Variants in TAF1 observed in about 807,000 individuals in gnomAD.
The protein encoded by TAF1 is transcription initiation factor TFIID subunit 1.
TAF1 carries 2 observed loss-of-function variants against 138.5 expected under a neutral mutation model. The ratio of observed to expected loss-of-function variants is 0.01; its 90% CI spans 0.01 to 0.05. The LOEUF (loss-of-function observed/expected upper bound fraction) is 0.05. Ranked by LOEUF, TAF1 falls within the 10% of genes least tolerant of loss-of-function variation. The pLI, the probability that TAF1 is intolerant of heterozygous loss-of-function variation, is 1.00. For synonymous variants in TAF1, 437 were observed against 503.2 expected, an observed-to-expected ratio of 0.87 and a Z score of 1.76; for missense variants, 709 against 1,478.0, an observed-to-expected ratio of 0.48 and a Z score of 8.53.
Position 71,497,029 on chromosome X carries a change from T to C in TAF1, c.1367-31513T>C, listed in dbSNP as rs781542304. Among the ~76,000 whole-genome samples the C allele has an allele frequency of 2.6e-4, 29 of 112,385 alleles. No homozygotes were observed. In the South Asian group the frequency reaches 0.01, roughly 40 times the overall value. ...GCTATCTGTATACACATTTATTCTT[T>C]TTCCCTTTCCCAGTTCTAAGGCTCG... On this transcript the variant is annotated intron_variant and NMD_transcript_variant, in intron 13 of 14. Coordinates refer to the TAF1 transcript ENST00000373775.
chrX:71,485,286 A>C (rs907010948), intron 13 of TAF1, among the ~76,000 whole-genome samples: 1 of 112,431 alleles, frequency 8.9e-6, no homozygotes, highest in Admixed American at 9.5e-5. Flanking sequence ...AAATGGTAAC[A>C]TCTTGCATAG....
Position 71,423,292 on chromosome X carries a change from A to G in TAF1, c.4575+53A>G, listed in dbSNP as rs375086926. The G allele has an allele frequency of 1.6e-4, 193 of 1,204,166 alleles. No individual in the cohort carries two copies. The African/African-American group carries it at 2.9e-3, about 18-fold the overall frequency. ...GAGGATCGTGCAGGGGAAAGGAAAA[A>G]TGTTTAGGGTGTACACGTGTGTGTA... is the stretch of plus-strand genomic sequence containing the variant. On this transcript the variant is annotated intron_variant, in intron 30 of 37. Transcript: ENST00000423759.
At chrX:71,381,514 C>T (rs1019169861) in intron 8 of TAF1, among the ~76,000 whole-genome samples, 1 of 111,932 alleles carries the variant, frequency 8.9e-6, no homozygotes, top group African/African-American at 3.2e-5. Context: ...ATCCACCTGC[C>T]TCGGCCTCCC....
intron 32 of TAF1, chrX:71,441,716 G>A (rs2037436313): frequency 3.6e-6 from 1 of 275,597 alleles, no homozygotes; most frequent in Non-Finnish European, 6.7e-6. Context: ...TGTGCACAAC[G>A]TGCAGGTTTG....
chrX:71,370,022 C>T (rs1054253080), intron 3 of TAF1, among the ~76,000 whole-genome samples: 6 of 109,526 alleles, frequency 5.5e-5, no homozygotes, highest in South Asian at 3.9e-4. Context: ...GCCAGGAGTT[C>T]GAGACCAGCC....
chrX:71,394,491 C>CT (rs2034739912), intron 22 of TAF1, among the ~76,000 whole-genome samples: 1 of 112,863 alleles, frequency 8.9e-6, no homozygotes, highest in South Asian at 3.6e-4. Context: ...CAAGCCTGGG[C>CT]TATTAGTGCT....
chrX:71,424,892 T>C (rs984415821), intron 32 of TAF1, among the ~76,000 whole-genome samples: 5 of 112,439 alleles, frequency 4.4e-5, no homozygotes, highest in African/African-American at 1.6e-4. Flanking sequence ...CCCAAAGTGC[T>C]GGGATTACAG....
intron 13 of TAF1, among the ~76,000 whole-genome samples, chrX:71,483,626 G>GAGC (rs1237789713): frequency 9.3e-6 from 1 of 107,227 alleles, no homozygotes; most frequent in African/African-American, 3.4e-5. Context: ...CATAAATAAA[G>GAGC]AGCTGTGTGG....
chrX:71,381,662 CTT>C, intron 8 of TAF1, 79 bp from the exon 9 acceptor site: 22 of 1,086,128 alleles, frequency 2.0e-5, no homozygotes, highest in Non-Finnish European at 2.6e-5. Context: ...ATGAGTAACT[CTT>C]TTTATCTTTG....
At chrX:71,382,042 G>A in intron 9 of TAF1, 123 bp downstream of exon 9, 2 of 811,249 alleles carry the variant, frequency 2.5e-6, no homozygotes, top group Non-Finnish European at 3.3e-6. Context: ...GTAGCGGCTT[G>A]AGAGAGCGAA....
intron 13 of TAF1, among the ~76,000 whole-genome samples, chrX:71,471,377 A>G (rs934908904): frequency 1.9e-5 from 2 of 106,740 alleles, no homozygotes; most frequent in Non-Finnish European, 3.9e-5. Flanking sequence ...ACACACATGA[A>G]TGGAACCCAG....
chrX:71,405,547 C>T (rs1440223292), intron 25 of TAF1, among the ~76,000 whole-genome samples: 1 of 111,859 alleles, frequency 8.9e-6, no homozygotes, highest in African/African-American at 3.3e-5. Context: ...GATGGGGTTT[C>T]ACCATGTTGG....
intron 32 of TAF1, 70 bp from the exon 33 acceptor site, chrX:71,454,100 G>A: frequency 5.1e-6 from 5 of 973,663 alleles, no homozygotes; most frequent in Non-Finnish European, 7.3e-6. Context: ...GGGACACACT[G>A]CTGATGACAG....
intron 32 of TAF1, among the ~76,000 whole-genome samples, chrX:71,431,491 G>A (rs1417653406): frequency 2.7e-5 from 3 of 111,291 alleles, no homozygotes; most frequent in Non-Finnish European, 5.7e-5. Flanking sequence ...TGTAAAATAT[G>A]ATTGTATATT....
At chrX:71,511,766 G>A (rs2039735277) in intron 13 of TAF1, among the ~76,000 whole-genome samples, 2 of 111,346 alleles carry the variant, frequency 1.8e-5, no homozygotes, top group Non-Finnish European at 3.8e-5. Flanking sequence ...CTGTGATCCC[G>A]GCACTTTGGG....
Position 71,407,669 on chromosome X carries a change from A to G in TAF1, c.4203A>G (p.Pro1401=). 8.3e-7 allele frequency: 1 copy of G among 1,206,199 alleles called. No homozygotes were observed. The stretch of plus-strand genomic sequence containing the variant: ...TCATCAATGACATGAGAGATCTTCC[A>G]AATGTGAGTTCATTGCATTGGATAT... The part of the protein sequence containing the change: ...ESIINDMRDL[P]NTYPFHTPVN... Residue 1401 remains proline, a synonymous_variant, in exon 27 of 38, where the codon CCA becomes CCG. Coordinates refer to ENST00000423759, the MANE Select transcript of TAF1 (RefSeq NM_004606.5).
intron 32 of TAF1, among the ~76,000 whole-genome samples, chrX:71,429,575 A>G (rs2036776041): frequency 9.0e-6 from 1 of 110,892 alleles, no homozygotes; most frequent in Admixed American, 9.7e-5. Context: ...TGAAACGCCT[A>G]GTATGTTAAC....
chrX:71,441,366 AT>A (rs1384357851), intron 32 of TAF1, among the ~76,000 whole-genome samples: 1 of 111,307 alleles, frequency 9.0e-6, no homozygotes, highest in Non-Finnish European at 1.9e-5. Flanking sequence ...AGCATAAGAA[AT>A]TTTTTTAATT....
rs186430486 is a variant in TAF1 at position 71,403,376 on chromosome X, A to G, written c.3998+1637A>G. On this transcript the variant is annotated intron_variant, in intron 25 of 37. Coordinates refer to ENST00000423759, the MANE Select transcript of TAF1 (RefSeq NM_004606.5). ...TGAATTTTTTGAAGATTCCAGGCCA[A>G]TTGCCTCAAAATATTCCATATTCTG... Among the ~76,000 whole-genome samples, 179 of 111,756 alleles carry G rather than the reference A, an allele frequency of 1.6e-3. 1 individual carries two copies. Among genetic ancestry groups the G allele is most frequent in the South Asian group, 1.1e-3 (3 of 2,699 alleles).
Sources: allele counts gnomAD v4.1 joint callset (sites outside exome capture counted in the v4.1 genomes callset), GRCh38; gene constraint gnomAD v4.1.1; transcripts MANE v1.5; gene names NCBI Gene and HGNC (gene_info 2026-07-23, HGNC 2026-07-21).